The following GABRB2 variants were observed in gnomAD, a reference collection of about 807,000 sequenced individuals.
GABRB2 encodes the protein gamma-aminobutyric acid receptor subunit beta-2.
A neutral mutation model predicts 54.7 loss-of-function variants in GABRB2; 16 were observed. The observed-to-expected ratio is 0.29, with a 90% CI of 0.20 to 0.44. The LOEUF (loss-of-function observed/expected upper bound fraction) is 0.44. Ranked by LOEUF, GABRB2 falls within the 20% of genes least tolerant of loss-of-function variation. The pLI is 1.00. For synonymous variants in GABRB2, 244 were observed against 233.8 expected, an observed-to-expected ratio of 1.04 and a Z score of -0.40; for missense variants, 355 against 644.0, an observed-to-expected ratio of 0.55 and a Z score of 4.86.
intron 3 of GABRB2, among the ~76,000 whole-genome samples, chr5:161,511,632 A>G (rs1201617195): frequency 2.0e-5 from 3 of 152,012 alleles, no homozygotes; most frequent in Non-Finnish European, 4.4e-5. Flanking sequence ...TAGGCAAAAT[A>G]GATTTATTGT....
rs150158750 is a variant in GABRB2 at position 161,426,653 on chromosome 5, A to C, written c.459-15596T>G. Among the ~76,000 whole-genome samples, 468 of 152,246 alleles carry C rather than the reference A, an allele frequency of 3.1e-3. 1 individual carries two copies. Among genetic ancestry groups the C allele is most frequent in the African/African-American group, 0.01 (421 of 41,576 alleles). On this transcript the variant is annotated intron_variant, in intron 4 of 9. Transcript: ENST00000393959. ...TGACTAAATAAAGAATTAAAGCAGA[A>C]TGAAATGAATCATAATAAAAAGAAA...
chr5:161,321,540 T>C (rs952345272), intron 9 of GABRB2, among the ~76,000 whole-genome samples: 2 of 152,150 alleles, frequency 1.3e-5, no homozygotes, highest in African/African-American at 4.8e-5. Flanking sequence ...GATTGTTATA[T>C]TACAATATTA....
chr5:161,513,076 CAAG>C (rs1759829431), intron 3 of GABRB2, among the ~76,000 whole-genome samples: 1 of 148,816 alleles, frequency 6.7e-6, no homozygotes, highest in African/African-American at 2.5e-5. Flanking sequence ...AACAAAAAAA[CAAG>C]AGATGCTGGT....
At chr5:161,366,674 G>A (rs1580921684) in intron 5 of GABRB2, among the ~76,000 whole-genome samples, 1 of 152,244 alleles carries the variant, frequency 6.6e-6, no homozygotes, top group East Asian at 1.9e-4. Context: ...GGCCAGGCGT[G>A]ATGGCTCACG....
chr5:161,384,570 A>C (rs941000975), intron 5 of GABRB2, among the ~76,000 whole-genome samples: 22 of 152,184 alleles, frequency 1.4e-4, no homozygotes, highest in Non-Finnish European at 2.9e-5. Context: ...ATGTGCCAGG[A>C]GTATAAGTTC....
intron 3 of GABRB2, among the ~76,000 whole-genome samples, chr5:161,476,253 C>A (rs1758588546): frequency 6.6e-6 from 1 of 151,826 alleles, no homozygotes; most frequent in Admixed American, 6.6e-5. Flanking sequence ...AAGATGTGTA[C>A]TCTGCAAACT....
At chr5:161,392,546 C>G (rs986802392) in intron 5 of GABRB2, among the ~76,000 whole-genome samples, 1 of 152,104 alleles carries the variant, frequency 6.6e-6, no homozygotes, top group African/African-American at 2.4e-5. Flanking sequence ...GAGCAAACAG[C>G]CTGGGACCAA....
chr5:161,361,345 GTATT>G (rs1321559427), intron 5 of GABRB2, among the ~76,000 whole-genome samples: 2 of 151,950 alleles, frequency 1.3e-5, no homozygotes, highest in African/African-American at 2.4e-5. Context: ...TGTAACAATG[GTATT>G]TATTTATGCT....
intron 3 of GABRB2, among the ~76,000 whole-genome samples, chr5:161,490,293 T>TA (rs1182444423): frequency 3.3e-5 from 5 of 151,496 alleles, no homozygotes; most frequent in East Asian, 1.9e-4. Flanking sequence ...ATCTCCACAA[T>TA]AAAAAAATGT....
In GABRB2 at chr5:161,352,550, G is replaced by T. The variant is rs958480258; in HGVS notation, c.542-15781C>A. On this transcript the variant is annotated intron_variant, in intron 5 of 9. Coordinates refer to ENST00000393959, the MANE Select transcript of GABRB2 (RefSeq NM_001371727.1). ...GTAGAATGACGGTTACCACAGGCTG[G>T]CAGGAGTGGGACTGGGGAGATGGTA... is the stretch of plus-strand genomic sequence containing the variant. 3.3e-5 allele frequency among the ~76,000 whole-genome samples: 5 copies of T among 152,108 alleles called. 1 individual carries two copies. The highest frequency in any genetic ancestry group is 9.6e-5 in the African/African-American group (4 of 41,530).
intron 3 of GABRB2, among the ~76,000 whole-genome samples, chr5:161,477,512 G>A (rs547040333): frequency 3.3e-5 from 5 of 151,946 alleles, no homozygotes; most frequent in South Asian, 4.2e-4. Flanking sequence ...GCATATCCAC[G>A]TTCATAGCAG....
intron 5 of GABRB2, among the ~76,000 whole-genome samples, chr5:161,343,215 C>T (rs913787978): frequency 6.6e-6 from 1 of 151,526 alleles, no homozygotes; most frequent in African/African-American, 2.4e-5. Context: ...CTGCTAGACA[C>T]ACATTTTTTT....
At chr5:161,545,426 G>C in intron 2 of GABRB2, 132 bp from the exon 3 acceptor site, 3 of 342,276 alleles carry the variant, frequency 8.8e-6, no homozygotes, top group Non-Finnish European at 4.8e-6. Context: ...TCAATTCTCT[G>C]CTTTTTTTGT....
At chr5:161,508,848 A>G (rs988887290) in intron 3 of GABRB2, among the ~76,000 whole-genome samples, 2 of 152,042 alleles carry the variant, frequency 1.3e-5, no homozygotes, top group African/African-American at 4.8e-5. Flanking sequence ...CTTCGTTCCT[A>G]TACTATCCTA....
chr5:161,405,641 C>A (rs1021006113), intron 5 of GABRB2, among the ~76,000 whole-genome samples: 2 of 152,058 alleles, frequency 1.3e-5, no homozygotes, highest in Non-Finnish European at 2.9e-5. Flanking sequence ...TACTGTTATA[C>A]TCTAAGGTGC....
At chr5:161,362,177 A>G (rs1754833009) in intron 5 of GABRB2, among the ~76,000 whole-genome samples, 2 of 152,156 alleles carry the variant, frequency 1.3e-5, no homozygotes. Flanking sequence ...TGATTGCTGT[A>G]GCCATGTAGC....
At chr5:161,376,910 A>AATTT (rs1330994226) in intron 5 of GABRB2, among the ~76,000 whole-genome samples, 1 of 152,088 alleles carries the variant, frequency 6.6e-6, no homozygotes, top group Admixed American at 6.6e-5. Flanking sequence ...TAACAAAAAG[A>AATTT]ATTTATATAG....
At chr5:161,495,382 C>T (rs893270108) in intron 3 of GABRB2, among the ~76,000 whole-genome samples, 1 of 151,734 alleles carries the variant, frequency 6.6e-6, no homozygotes, top group Non-Finnish European at 1.5e-5. Flanking sequence ...AAAGAAAAAA[C>T]TGATTAACAT....
chr5:161,539,479 C>T lies in GABRB2; in HGVS notation c.237+5748G>A, dbSNP rs1257902338. 2.0e-5 allele frequency among the ~76,000 whole-genome samples: 3 copies of T among 152,190 alleles called. No homozygotes were observed. The East Asian group carries it at 5.8e-4, about 29-fold the overall frequency. On this transcript the variant is annotated intron_variant, in intron 3 of 9. Transcript: ENST00000393959. ...TCTAGATTTTCAAATTTTCCTGGAA[C>T]TTCTTTATATCCAATAGAGCTACTA...
Sources: gnomAD v4.1 joint callset for allele counts (sites outside exome capture counted in the v4.1 genomes callset) on GRCh38, gnomAD v4.1.1 for gene constraint, MANE v1.5 for transcripts, NCBI Gene and HGNC (gene_info 2026-07-23, HGNC 2026-07-21) for gene names.